Variants in B4GALNT3 observed in about 807,000 individuals in gnomAD.
B4GALNT3 encodes beta-1,4-N-acetylgalactosaminyltransferase 3.
In B4GALNT3, 86 loss-of-function variants were observed where a neutral mutation model predicts 120.2. The observed-to-expected ratio is 0.72, with a 90% confidence interval of 0.60 to 0.86. The LOEUF (loss-of-function observed/expected upper bound fraction) is 0.86, where lower values mean the gene tolerates loss of function less well. Among genes scored for constraint, B4GALNT3 ranks in the 40% least tolerant of loss-of-function variants. The pLI is 0.00. For synonymous variants in B4GALNT3, 518 were observed against 510.4 expected (o/e 1.01, Z -0.20); for missense variants, 1,167 against 1,298.9 (o/e 0.90, Z 1.56).
intron 1 of B4GALNT3, among the ~76,000 whole-genome samples, chr12:472,926 G>T (rs1019233866): frequency 1.3e-5 from 2 of 151,994 alleles, no homozygotes. Context: ...GATATGGAGG[G>T]AGTGTTTTCT....
chr12:556,000 G>A (rs1315001703), intron 14 of B4GALNT3, among the ~76,000 whole-genome samples: 1 of 151,282 alleles, frequency 6.6e-6, no homozygotes, highest in African/African-American at 2.4e-5. Flanking sequence ...AGCCAGGCTG[G>A]TCTTGATCTC....
chr12:486,970 AT>A (rs1218714021), intron 1 of B4GALNT3, among the ~76,000 whole-genome samples: 34 of 152,362 alleles, frequency 2.2e-4, no homozygotes, highest in Non-Finnish European at 1.2e-4. Flanking sequence ...CAGATGGCTA[AT>A]GTAAGCAGAA....
At chr12:552,949 A>G in intron 13 of B4GALNT3, 1 of 564,306 alleles carries the variant, frequency 1.8e-6, no homozygotes, top group Non-Finnish European at 3.1e-6. Flanking sequence ...GATGCCGTTT[A>G]TCTCACTCAG....
Position 548,384 on chromosome 12 carries a change from G to C in B4GALNT3, c.853+87G>C. ...GATTTGGCAGGGGAGGAGGGGAGGA[G>C]GGGAGGAAGGAAGCTCGAGATGCTT... On this transcript the variant is annotated intron_variant, in intron 9 of 19. Transcript: ENST00000266383. This position sits in a 1 kb window ranked among gnomAD's most constrained non-coding sequence, Gnocchi z 4.9. The C allele has an allele frequency of 7.6e-7, 1 of 1,316,814 alleles. No individual in the cohort carries two copies. The allele number at this position is 1,316,814 out of a possible 1,614,324, so 81.6% of individuals were successfully genotyped here. A position where few individuals can be genotyped will look rare whatever the true frequency, so the allele number is the denominator to read the frequency against.
At chr12:485,021 C>T (rs763993987) in intron 1 of B4GALNT3, among the ~76,000 whole-genome samples, 1 of 152,126 alleles carries the variant, frequency 6.6e-6, no homozygotes, top group African/African-American at 2.4e-5. Flanking sequence ...AAAATATACA[C>T]GTCACACATA....
chr12:504,266 G>A (rs750859811), intron 1 of B4GALNT3, among the ~76,000 whole-genome samples: 5 of 138,128 alleles, frequency 3.6e-5, no homozygotes, highest in Non-Finnish European at 6.1e-5. Flanking sequence ...GGGCAACAGC[G>A]AGACCCTGTC....
At chr12:520,043 G>A (rs1216174930) in intron 1 of B4GALNT3, among the ~76,000 whole-genome samples, 2 of 152,070 alleles carry the variant, frequency 1.3e-5, no homozygotes, top group South Asian at 4.1e-4. Context: ...TTTATGGTTC[G>A]GGCCAGCTGT....
At chr12:545,981 G>GC in intron 6 of B4GALNT3, among the ~76,000 whole-genome samples, 1 of 120,824 alleles carries the variant, frequency 8.3e-6, no homozygotes, top group Non-Finnish European at 1.8e-5. Flanking sequence ...GAGGAGTGGG[G>GC]AGATGAGAGG....
In B4GALNT3 at chr12:553,253, G is replaced by T. The variant is rs753424814; in HGVS notation, c.1330G>T (p.Ala444Ser). ...QYGEVAEETP[A>S]SNNQNARMLE... ...TGGGGAAGTGGCAGAGGAGACCCCT[G>T]CCTCCAACAACCAGAATGCCAGGAT... The change falls in exon 14 of 20, where the codon GCC (alanine) becomes TCC (serine). Residue 444 changes from alanine (A) to serine (S), a missense_variant. Ala to Ser is a moderately conservative substitution (Grantham distance 99, BLOSUM62 1). Coordinates refer to ENST00000266383, the MANE Select transcript of B4GALNT3 (RefSeq NM_173593.4). The T allele has an allele frequency of 1.9e-6, 3 of 1,613,546 alleles. No homozygotes were observed. The South Asian group carries it at 3.3e-5, about 18-fold the overall frequency.
At chr12:555,505 T>A in intron 14 of B4GALNT3, 1 of 381,736 alleles carries the variant, frequency 2.6e-6, no homozygotes, top group East Asian at 7.9e-5. Context: ...ATGTGGGTTG[T>A]TTCTACTTTT....
chr12:501,580 C>T (rs1173133807), intron 1 of B4GALNT3, among the ~76,000 whole-genome samples: 2 of 151,792 alleles, frequency 1.3e-5, no homozygotes, highest in Non-Finnish European at 2.9e-5. Flanking sequence ...GACTCTGTCT[C>T]AAAATAAGAA....
chr12:561,487 CTG>C lies in B4GALNT3; in HGVS notation c.*37_*38del. 1 of 1,514,232 alleles carries C rather than the reference CTG, an allele frequency of 6.6e-7. No individual in the cohort carries two copies. The highest frequency in any genetic ancestry group is 9.1e-7 in the Non-Finnish European group (1 of 1,101,084). The allele number at this position is 1,514,232 out of a possible 1,614,324, so 93.8% of individuals were successfully genotyped here. A position where few individuals can be genotyped will look rare whatever the true frequency, so the allele number is the denominator to read the frequency against. On this transcript the variant is annotated 3_prime_UTR_variant, in exon 20 of 20. Coordinates refer to ENST00000266383, the MANE Select transcript of B4GALNT3 (RefSeq NM_173593.4). Reference sequence around the variant, plus strand: ...TCCGCGGGGCCCAGCACTCCCCGCTCTGGACTAGCAGTGGCTCCCCAGGGCCC... The same window carrying C: ...TCCGCGGGGCCCAGCACTCCCCGCTCGACTAGCAGTGGCTCCCCAGGGCCC...
At chr12:541,571 G>A (rs992659643) in intron 3 of B4GALNT3, among the ~76,000 whole-genome samples, 2 of 152,168 alleles carry the variant, frequency 1.3e-5, no homozygotes, top group African/African-American at 4.8e-5. Flanking sequence ...CCAGGCCCAG[G>A]GAGGAAGAGG....
intron 1 of B4GALNT3, among the ~76,000 whole-genome samples, chr12:481,907 G>T (rs1157690143): frequency 1.3e-5 from 2 of 152,026 alleles, no homozygotes; most frequent in African/African-American, 2.4e-5. Context: ...TTTCTAGGTG[G>T]CTTTGTAGAC....
At chr12:463,802 A>G (rs1053852894) in intron 1 of B4GALNT3, among the ~76,000 whole-genome samples, 5 of 152,224 alleles carry the variant, frequency 3.3e-5, no homozygotes, top group African/African-American at 1.2e-4. Context: ...AGTCGGGGAA[A>G]GTTTATGTTT....
At chr12:558,787 G>T in intron 18 of B4GALNT3, 126 bp downstream of exon 18, 1 of 1,067,848 alleles carries the variant, frequency 9.4e-7, no homozygotes, top group South Asian at 1.6e-5. Flanking sequence ...CTGCCCTCCT[G>T]TGGCCTTCAC....
intron 1 of B4GALNT3, among the ~76,000 whole-genome samples, chr12:504,253 C>A (rs1828546870): frequency 6.7e-6 from 1 of 149,848 alleles, no homozygotes; most frequent in Non-Finnish European, 1.5e-5. Flanking sequence ...TGCACTCCAG[C>A]CTGGGCAACA....
At chr12:515,889 G>C (rs1946648897) in intron 1 of B4GALNT3, among the ~76,000 whole-genome samples, 1 of 152,166 alleles carries the variant, frequency 6.6e-6, no homozygotes, top group African/African-American at 2.4e-5. Context: ...TGTAATCCCA[G>C]CACTTTGGGA....
intron 1 of B4GALNT3, among the ~76,000 whole-genome samples, chr12:467,102 A>G (rs974651723): frequency 1.3e-5 from 2 of 151,938 alleles, no homozygotes; most frequent in African/African-American, 4.8e-5. Context: ...AATTTTTTAA[A>G]TTAAATTAAT....
Sources: allele counts gnomAD v4.1 joint callset (sites outside exome capture counted in the v4.1 genomes callset), GRCh38; gene constraint gnomAD v4.1.1; non-coding constraint Gnocchi (gnomAD v3.1); transcripts MANE v1.5; gene names NCBI Gene and HGNC (gene_info 2026-07-23, HGNC 2026-07-21).